The following NDUFA11 variants were observed in gnomAD, a reference collection of about 807,000 sequenced individuals.
The protein encoded by NDUFA11 is NADH dehydrogenase [ubiquinone] 1 alpha subcomplex subunit 11.
A neutral mutation model predicts 11.3 loss-of-function variants in NDUFA11; 14 were observed. That is an observed-to-expected ratio of 1.24 (90% CI 0.82 to 1.94). NDUFA11 has a LOEUF of 1.94. NDUFA11 is among the 30% of genes most tolerant of loss of function. The pLI is 0.00. For missense variants in NDUFA11, 204 were observed against 200.3 expected (o/e 1.02, Z -0.11); for synonymous variants, 87 against 85.6 (o/e 1.02, Z -0.09).
In NDUFA11 at chr19:5,894,896, G is replaced by A. The variant is rs751169377; in HGVS notation, c.314-42C>T. 6.2e-5 allele frequency: 96 copies of A among 1,552,870 alleles called. 2 individuals are homozygous for A. The highest frequency in any genetic ancestry group is 5.2e-4 in the South Asian group (44 of 84,450). ...GTGATGTCAGGCCCGGGTGGGGCTCGGCCGGACCAAGACGCTCCACGCCCT... is the reference window on the plus strand; with the variant it reads ...GTGATGTCAGGCCCGGGTGGGGCTCAGCCGGACCAAGACGCTCCACGCCCT... On this transcript the variant is annotated intron_variant, in intron 3 of 3. Coordinates refer to ENST00000308961, the MANE Select transcript of NDUFA11 (RefSeq NM_175614.5).
intron 1 of NDUFA11, among the ~76,000 whole-genome samples, chr19:5,897,582 C>T (rs2057618573): frequency 6.6e-6 from 1 of 152,172 alleles, no homozygotes; most frequent in African/African-American, 2.4e-5. Flanking sequence ...GCTGGCAGCT[C>T]GGGCCTGGGC....
At chr19:5,895,143 G>C in intron 3 of NDUFA11, 1 of 445,166 alleles carries the variant, frequency 2.2e-6, no homozygotes, top group Non-Finnish European at 4.1e-6. Context: ...GCCCCCAGCT[G>C]GGGCTGGGGC....
At chr19:5,900,403 C>T (rs1446802048) in intron 1 of NDUFA11, among the ~76,000 whole-genome samples, 2 of 152,204 alleles carry the variant, frequency 1.3e-5, no homozygotes, top group Non-Finnish European at 2.9e-5. Context: ...TTCATTCATT[C>T]ATCCATAGTT....
chr19:5,898,601 C>T (rs1395551432), intron 1 of NDUFA11, among the ~76,000 whole-genome samples: 4 of 152,150 alleles, frequency 2.6e-5, no homozygotes, highest in South Asian at 2.1e-4. Context: ...GGACCAGGCG[C>T]AGTGGCTCAC....
chr19:5,892,739 G>C (rs1300513537), downstream of NDUFA11: 1 of 832,318 alleles, frequency 1.2e-6, no homozygotes, highest in Non-Finnish European at 1.7e-6. Context: ...GGCCGCAGTA[G>C]AGACAGAGGC....
At chr19:5,897,727 CG>C (rs2057619801) in intron 1 of NDUFA11, among the ~76,000 whole-genome samples, 1 of 152,206 alleles carries the variant, frequency 6.6e-6, no homozygotes, top group South Asian at 2.1e-4. Flanking sequence ...GAGCTTGGGC[CG>C]GGGCCGGGCC....
intron 1 of NDUFA11, among the ~76,000 whole-genome samples, chr19:5,898,314 C>A (rs570499327): frequency 2.0e-5 from 3 of 152,292 alleles, no homozygotes; most frequent in East Asian, 3.9e-4. Flanking sequence ...GGCAGTGACC[C>A]CCCCCAACAG....
intron 1 of NDUFA11, among the ~76,000 whole-genome samples, chr19:5,900,461 C>T (rs1313097258): frequency 3.9e-5 from 6 of 152,198 alleles, no homozygotes; most frequent in African/African-American, 1.2e-4. Context: ...GTCTCCCCGC[C>T]GTCCAGGGTC....
At chr19:5,897,762 G>A (rs778880445) in intron 1 of NDUFA11, among the ~76,000 whole-genome samples, 4 of 152,254 alleles carry the variant, frequency 2.6e-5, no homozygotes, top group Non-Finnish European at 4.4e-5. Flanking sequence ...CAGGTAGGTG[G>A]TGGGGACGGA....
chr19:5,903,414 G>A (rs1240019700), intron 1 of NDUFA11, among the ~76,000 whole-genome samples, 198 bp downstream of exon 1: 1 of 152,004 alleles, frequency 6.6e-6, no homozygotes, highest in Non-Finnish European at 1.5e-5. Flanking sequence ...ACCTCCCAGT[G>A]CTCCCCAACC....
rs768802877 is a variant in NDUFA11 at position 5,896,527 on chromosome 19, A to T, written c.239T>A (p.Val80Asp). 6.4e-7 allele frequency: 1 copy of T among 1,569,770 alleles called. No homozygotes were observed. The highest frequency in any genetic ancestry group is 8.6e-7 in the Non-Finnish European group (1 of 1,157,922). Residue 80 changes from valine (V) to aspartate (D), a missense_variant, in exon 3 of 4, where the codon GTC (valine) becomes GAC (aspartate). Val to Asp is a radical substitution (Grantham distance 152). Coordinates refer to ENST00000308961, the MANE Select transcript of NDUFA11 (RefSeq NM_175614.5). This position sits in a 1 kb window ranked among gnomAD's most constrained non-coding sequence, Gnocchi z 5.8. ...FGLTTCISAH[V>D]REKPDDPLNY... ...CAGGGGGTCGTCGGGCTTCTCGCGG[A>T]CATGGGCGCTGATGCAGGTGGTGAG...
intron 3 of NDUFA11, chr19:5,895,229 C>T: frequency 3.6e-6 from 1 of 274,526 alleles, no homozygotes. Context: ...CAGGGCCAGG[C>T]CACGCATCTG....
chr19:5,899,101 C>A (rs1398384411), intron 1 of NDUFA11, among the ~76,000 whole-genome samples: 1 of 150,908 alleles, frequency 6.6e-6, no homozygotes, highest in Non-Finnish European at 1.5e-5. Context: ...CTTCCAAATT[C>A]TTTTATGTAT....
chr19:5,896,014 A>C lies in NDUFA11; in HGVS notation c.313+439T>G. 1 of 284,782 alleles carries C rather than the reference A, an allele frequency of 3.5e-6. No homozygotes were observed. Among genetic ancestry groups the C allele is most frequent in the East Asian group, 6.1e-5 (1 of 16,364 alleles). 17.6% of individuals were successfully genotyped at this position (284,782 alleles called of 1,614,324 possible). A position where few individuals can be genotyped will look rare whatever the true frequency, so the allele number is the denominator to read the frequency against. Reference sequence around the variant, plus strand: ...TGACTCACAGGCCAGTGGCAGAGACAGGGGGTGACCTTGGTGACCTGTGTC... The same window carrying C: ...TGACTCACAGGCCAGTGGCAGAGACCGGGGGTGACCTTGGTGACCTGTGTC... On this transcript the variant is annotated intron_variant, in intron 3 of 3. Coordinates refer to ENST00000308961, the MANE Select transcript of NDUFA11 (RefSeq NM_175614.5). This position sits in a 1 kb window ranked among gnomAD's most constrained non-coding sequence, Gnocchi z 5.8.
downstream of NDUFA11, chr19:5,892,998 G>A: frequency 6.5e-7 from 1 of 1,527,118 alleles, no homozygotes; most frequent in Non-Finnish European, 8.8e-7. Flanking sequence ...CTGCCCCTCT[G>A]GGTGCGGGGT....
At chr19:5,902,871 C>T (rs1333673668) in intron 1 of NDUFA11, among the ~76,000 whole-genome samples, 3 of 152,126 alleles carry the variant, frequency 2.0e-5, no homozygotes, top group East Asian at 3.9e-4. Context: ...ATTAGCCAGG[C>T]GCGGTGGCGT....
At chr19:5,893,235 AC>A, downstream of NDUFA11, 1 of 1,528,070 alleles carries the variant, frequency 6.5e-7, no homozygotes, top group Non-Finnish European at 8.8e-7. This position sits in a 1 kb window ranked among gnomAD's most constrained non-coding sequence, Gnocchi z 4.1. Flanking sequence ...AGGTGTGAGG[AC>A]TGCTCGAGGC....
chr19:5,901,065 ACT>A (rs1277799841), intron 1 of NDUFA11, among the ~76,000 whole-genome samples: 1 of 152,004 alleles, frequency 6.6e-6, no homozygotes, highest in African/African-American at 2.4e-5. Context: ...TGACATGGCA[ACT>A]CTGTCAAAAG....
At chr19:5,893,926 T>G (rs2057592042), downstream of NDUFA11, among the ~76,000 whole-genome samples, 1 of 152,248 alleles carries the variant, frequency 6.6e-6, no homozygotes, top group South Asian at 2.1e-4. This position sits in a 1 kb window ranked among gnomAD's most constrained non-coding sequence, Gnocchi z 4.1. Context: ...TCCGCTCCCC[T>G]GGGTGGAGCC....
Sources: allele counts gnomAD v4.1 joint callset (sites outside exome capture counted in the v4.1 genomes callset), GRCh38; gene constraint gnomAD v4.1.1; non-coding constraint Gnocchi (gnomAD v3.1); transcripts MANE v1.5; gene names NCBI Gene and HGNC (gene_info 2026-07-23, HGNC 2026-07-21).